The following SRP19 variants were observed in gnomAD, a reference collection of about 807,000 sequenced individuals.
SRP19 encodes signal recognition particle 19 kDa protein.
A neutral mutation model predicts 22.4 loss-of-function variants in SRP19; 11 were observed. That is an observed-to-expected ratio of 0.49 (90% confidence interval 0.31 to 0.81). The LOEUF (loss-of-function observed/expected upper bound fraction) is 0.81, where lower values mean the gene tolerates loss of function less well. Ranked by LOEUF, SRP19 falls within the 40% of genes least tolerant of loss-of-function variation. The probability of loss-of-function intolerance (pLI) is 0.05; values close to 1 mark genes in which losing one functional copy is unlikely to be tolerated. For synonymous variants in SRP19, 61 were observed against 57.6 expected, an observed-to-expected ratio of 1.06 and a Z score of -0.27; for missense variants, 168 against 175.9, an observed-to-expected ratio of 0.96 and a Z score of 0.25.
exon 5 of SRP19, chr5:112,892,213 T>G (rs749681827): frequency 6.2e-7 from 1 of 1,614,178 alleles, no homozygotes; most frequent in Non-Finnish European, 8.5e-7. Context: ...TGGAGACAGA[T>G]GTTCACGTAA....
rs368060006 is a variant in SRP19 at position 112,864,610 on chromosome 5, G to A, written c.190-11G>A. On this transcript the variant is annotated splice_polypyrimidine_tract_variant and intron_variant, in intron 3 of 4. Transcript: ENST00000505459. ...TTAAGTCCTGTTTTTCTTTTGTTTC[G>A]TTTATGTTAGAAAAATAAAATGTAC... 263 of 1,612,826 alleles carry A rather than the reference G, an allele frequency of 1.6e-4. No homozygotes were observed. Among genetic ancestry groups the A allele is most frequent in the South Asian group, 3.3e-4 (30 of 90,992 alleles).
downstream of SRP19, chr5:112,893,099 A>T (rs1768548455): frequency 1.2e-5 from 4 of 338,804 alleles, no homozygotes; most frequent in Middle Eastern, 1.2e-3. Flanking sequence ...GTTCTTAAAA[A>T]AAAAAAAAAA....
intron 2 of SRP19, among the ~76,000 whole-genome samples, chr5:112,863,676 T>C (rs1178784361): frequency 6.6e-6 from 1 of 152,204 alleles, no homozygotes; most frequent in East Asian, 1.9e-4. Flanking sequence ...TTTGTTTGTT[T>C]TTTTAAGAGA....
At chr5:112,876,873 T>G (rs1767909778) in intron 4 of SRP19, 1 of 152,190 alleles carries the variant, frequency 6.6e-6, no homozygotes, top group Admixed American at 6.5e-5. Context: ...TTAAAACTAA[T>G]TTTAGCCTGT....
intron 4 of SRP19, among the ~76,000 whole-genome samples, chr5:112,884,077 T>C (rs1467480883): frequency 6.6e-6 from 1 of 152,224 alleles, no homozygotes; most frequent in Non-Finnish European, 1.5e-5. Context: ...ACTTCCTGCC[T>C]TACCCCTTCA....
At chr5:112,879,299 T>A (rs1274490171) in intron 4 of SRP19, among the ~76,000 whole-genome samples, 1 of 103,626 alleles carries the variant, frequency 9.7e-6, no homozygotes, top group East Asian at 3.3e-4. Flanking sequence ...GCACTAGAAA[T>A]ACAGTCATCC....
intron 4 of SRP19, chr5:112,878,879 T>C (rs762756519): frequency 1.2e-6 from 2 of 1,613,434 alleles, no homozygotes; most frequent in Non-Finnish European, 1.7e-6. Flanking sequence ...TCAAAGCTCT[T>C]TCTTTGGAAT....
rs141744765 is a variant in SRP19 at position 112,862,622 on chromosome 5, G to C, written c.117+39G>C. 7.2e-4 allele frequency: 1,137 copies of C among 1,579,292 alleles called. 8 individuals carry two copies. The African/African-American group carries it at 0.014, about 19-fold the overall frequency. ...CTGGCACCTTGATCCTCGAGGGAAT[G>C]GGGGGTGTCATCCTGGTCGGGCCAC... On this transcript the variant is annotated intron_variant, in intron 2 of 4. Transcript: ENST00000505459.
At chr5:112,892,592 GTTTA>G in exon 5 of SRP19, 1 of 1,614,140 alleles carries the variant, frequency 6.2e-7, no homozygotes, top group Admixed American at 1.7e-5. Flanking sequence ...GCGATTTGTG[GTTTA>G]TTTGAAATAC....
intron 4 of SRP19, among the ~76,000 whole-genome samples, chr5:112,889,895 C>T (rs539071854): frequency 6.7e-6 from 1 of 148,390 alleles, no homozygotes; most frequent in Admixed American, 6.7e-5. Context: ...GGCACAATAT[C>T]AGCTCACTGC....
chr5:112,878,944 A>G (rs2150032487), intron 4 of SRP19: 1 of 1,547,090 alleles, frequency 6.5e-7, no homozygotes, highest in South Asian at 1.2e-5. Flanking sequence ...AACTTGGATG[A>G]CTCATGTTCA....
chr5:112,879,288 A>G (rs1471370890), intron 4 of SRP19, among the ~76,000 whole-genome samples: 1 of 121,008 alleles, frequency 8.3e-6, no homozygotes, highest in African/African-American at 3.2e-5. Context: ...CCTCATTCCC[A>G]GCACTAGAAA....
At chr5:112,878,892 A>C in intron 4 of SRP19, 1 of 1,612,940 alleles carries the variant, frequency 6.2e-7, no homozygotes, top group African/African-American at 1.3e-5. Context: ...TTTGGAATGC[A>C]AGCTTGCAAG....
At chr5:112,892,129 C>T in exon 5 of SRP19, 3 of 1,614,146 alleles carry the variant, frequency 1.9e-6, no homozygotes, top group South Asian at 2.2e-5. Context: ...CCCAGAACCA[C>T]CCGTGGATTT....
chr5:112,887,082 C>A, intron 4 of SRP19: 1 of 1,613,804 alleles, frequency 6.2e-7, no homozygotes. Context: ...CACTGTCCAT[C>A]TGGGACTCGT....
At chr5:112,881,465 C>T (rs151261979) in intron 4 of SRP19, among the ~76,000 whole-genome samples, 2 of 152,316 alleles carry the variant, frequency 1.3e-5, no homozygotes, top group East Asian at 3.9e-4. Flanking sequence ...CTGGCAAAAT[C>T]TATATCCTCA....
chr5:112,866,020 C>T (rs928735989), intron 4 of SRP19, among the ~76,000 whole-genome samples: 5 of 152,180 alleles, frequency 3.3e-5, no homozygotes, highest in African/African-American at 7.2e-5. Context: ...CCATGCCCAG[C>T]CTGCATGTTT....
chr5:112,873,606 C>T (rs1767808041), downstream of SRP19, among the ~76,000 whole-genome samples: 1 of 152,130 alleles, frequency 6.6e-6, no homozygotes, highest in Admixed American at 6.5e-5. Context: ...CTGGGCCTCC[C>T]AAAGTGCTGG....
In SRP19 at chr5:112,869,400, T is replaced by G. The variant is rs1045512567; in HGVS notation, c.*1863T>G. On this transcript the variant is annotated 3_prime_UTR_variant, in exon 5 of 5. Coordinates refer to ENST00000505459, the MANE Select transcript of SRP19 (RefSeq NM_003135.3). ...TTCTCAAAATTCCTCCCAGCAGGCTTTCACTTAGTTTCATTGTTGAGAACT... is the reference window on the plus strand; with the variant it reads ...TTCTCAAAATTCCTCCCAGCAGGCTGTCACTTAGTTTCATTGTTGAGAACT... The G allele has an allele frequency of 2.0e-5, 3 of 152,184 alleles. No individual in the cohort carries two copies. Among genetic ancestry groups the G allele is most frequent in the Non-Finnish European group, 4.4e-5 (3 of 68,048 alleles). 9.4% of individuals were successfully genotyped at this position (152,184 alleles called of 1,614,324 possible).
Sources: gnomAD v4.1 joint callset for allele counts (sites outside exome capture counted in the v4.1 genomes callset) on GRCh38, gnomAD v4.1.1 for gene constraint, MANE v1.5 for transcripts, NCBI Gene and HGNC (gene_info 2026-07-23, HGNC 2026-07-21) for gene names.